LOXL3: variants seen among roughly 807,000 people sequenced by gnomAD.
LOXL3 encodes the protein lysyl oxidase homolog 3.
LOXL3 carries 60 observed loss-of-function variants against 91.8 expected under a neutral mutation model. The ratio of observed to expected loss-of-function variants is 0.65; its 90% CI spans 0.53 to 0.81. The LOEUF (loss-of-function observed/expected upper bound fraction) is 0.81, where lower values mean the gene tolerates loss of function less well. LOXL3 is among the 30% of genes least tolerant of loss of function. The pLI, the probability that LOXL3 is intolerant of heterozygous loss-of-function variation, is 0.00. For synonymous variants in LOXL3, 355 were observed against 387.6 expected (o/e 0.92, Z 0.99); for missense variants, 874 against 1,000.4 (o/e 0.87, Z 1.70).
intron 4 of LOXL3, among the ~76,000 whole-genome samples, chr2:74,548,104 T>C (rs1676717228): frequency 6.6e-6 from 1 of 152,234 alleles, no homozygotes; most frequent in South Asian, 2.1e-4. Flanking sequence ...AGTTAGACTT[T>C]GGTTTTAAAC....
At chr2:74,537,747 G>A (rs75702811) in intron 4 of LOXL3, among the ~76,000 whole-genome samples, 6,077 of 152,276 alleles carry the variant, frequency 0.04, 323 homozygotes, top group African/African-American at 0.12. Flanking sequence ...TAGATGCTAA[G>A]GCTTGGAAAT....
chr2:74,541,081 C>T (rs991608500), intron 4 of LOXL3, among the ~76,000 whole-genome samples: 1 of 152,218 alleles, frequency 6.6e-6, no homozygotes, highest in Non-Finnish European at 1.5e-5. Flanking sequence ...GATTCAACCT[C>T]CATCTGTACT....
At position 74,536,468 on chromosome 2, in the gene LOXL3, G is replaced by C. The variant is rs753208381; in HGVS notation, c.916C>G (p.Arg306Gly). ...QQQSKPQGEA[R>G]VRLKGGAHPG... ...TGGGCGCCGCCCTTTAGACGGACAC[G>C]GGCCTATAGAAGAGAGAAGTGCCCA... is the stretch of plus-strand genomic sequence containing the variant. The change falls in exon 6 of 14, where the codon CGT becomes GGT. Residue 306 changes from arginine to glycine, a missense_variant. Physicochemically the swap from Arg to Gly is moderately radical, Grantham distance 125 (BLOSUM62 -2). Transcript: ENST00000264094. The surrounding 1 kb of genome is among the most constrained non-coding windows in gnomAD (Gnocchi z 4.5). 1.2e-6 allele frequency: 2 copies of C among 1,612,284 alleles called. No individual in the cohort carries two copies. Among genetic ancestry groups the C allele is most frequent in the Non-Finnish European group, 1.7e-6 (2 of 1,179,396 alleles).
Position 74,549,276 on chromosome 2 carries a change from C to A in LOXL3, c.692+93G>T. 3.7e-6 allele frequency: 5 copies of A among 1,369,342 alleles called. No individual in the cohort carries two copies. Among genetic ancestry groups the A allele is most frequent in the South Asian group, 3.2e-5 (2 of 61,834 alleles). The allele number at this position is 1,369,342 out of a possible 1,614,324, so 84.8% of individuals were successfully genotyped here. ...GCGCGTCCCGACCCCCGGGTCCTCCCGTGCCCCGGACCTGCTCAGATGTCT... is the reference window on the plus strand; with the variant it reads ...GCGCGTCCCGACCCCCGGGTCCTCCAGTGCCCCGGACCTGCTCAGATGTCT... On this transcript the variant is annotated intron_variant, in intron 4 of 13. Transcript: ENST00000264094. The surrounding 1 kb of genome is among the most constrained non-coding windows in gnomAD (Gnocchi z 5.3).
At position 74,533,298 on chromosome 2, in the gene LOXL3, TAAAG is replaced by T; in HGVS notation, c.*304_*307del. 1 of 530,886 alleles carries T rather than the reference TAAAG, an allele frequency of 1.9e-6. No individual in the cohort carries two copies. The highest frequency in any genetic ancestry group is 2.3e-5 in the South Asian group (1 of 44,424). The allele number at this position is 530,886 out of a possible 1,614,324, so 32.9% of individuals were successfully genotyped here. A position where few individuals can be genotyped will look rare whatever the true frequency, so the allele number is the denominator to read the frequency against. On this transcript the variant is annotated 3_prime_UTR_variant, in exon 14 of 14. Transcript: ENST00000264094. ...GGAGCTGACCATCCTGACCTCCTAT[TAAAG>T]AAAATGAGCTGCTGCCATCTTTTGT...
chr2:74,552,319 C>T lies in LOXL3; in HGVS notation c.313+3G>A, dbSNP rs769428869. 17 of 1,594,400 alleles carry T rather than the reference C, an allele frequency of 1.1e-5. No individual in the cohort carries two copies. In the South Asian group the frequency reaches 1.2e-4, roughly 11 times the overall value. ...TCTAGGATATGCCTGGATCATTGCT[C>T]ACCTGTTCCAGGGCCATATTTGGCA... is the stretch of plus-strand genomic sequence containing the variant. On this transcript the variant is annotated splice_donor_region_variant and intron_variant, in intron 2 of 13. Coordinates refer to ENST00000264094, the MANE Select transcript of LOXL3 (RefSeq NM_032603.5).
intron 13 of LOXL3, 27 bp from the exon 14 acceptor site, chr2:74,533,706 G>A: frequency 6.2e-7 from 1 of 1,609,372 alleles, no homozygotes; most frequent in South Asian, 1.1e-5. Flanking sequence ...CAATTTGGGA[G>A]GCGCCCTGCA....
chr2:74,541,486 G>C (rs1165245651), intron 4 of LOXL3, among the ~76,000 whole-genome samples: 1 of 152,196 alleles, frequency 6.6e-6, no homozygotes, highest in African/African-American at 2.4e-5. Context: ...GGACATTCCT[G>C]GCAAAGAATA....
chr2:74,547,934 C>T (rs994068703), intron 4 of LOXL3, among the ~76,000 whole-genome samples: 1 of 152,150 alleles, frequency 6.6e-6, no homozygotes, highest in Admixed American at 6.5e-5. Context: ...AACAGAATCT[C>T]CCATGATTTC....
chr2:74,534,415 C>T lies in LOXL3; in HGVS notation c.1840G>A (p.Asp614Asn), dbSNP rs758256615. Residue 614 changes from aspartate to asparagine, a missense_variant, in exon 11 of 14, where the codon GAC (aspartate) becomes AAC (asparagine). By Grantham distance (23) the Asp-to-Asn change is conservative. Coordinates refer to ENST00000264094, the MANE Select transcript of LOXL3 (RefSeq NM_032603.5). Reference protein sequence around the residue: ...HECHGHYHSMDIFTHYDILTP... With the variant: ...HECHGHYHSMNIFTHYDILTP... ...AGGATATCATAGTGAGTGAAGATGTCCATGCTGTGGTAATGCCTGTGGGGA... is the reference window on the plus strand; with the variant it reads ...AGGATATCATAGTGAGTGAAGATGTTCATGCTGTGGTAATGCCTGTGGGGA... 6.2e-7 allele frequency: 1 copy of T among 1,614,164 alleles called. No homozygotes were observed. The highest frequency in any genetic ancestry group is 2.2e-5 in the East Asian group (1 of 44,884).
At chr2:74,542,276 T>TA (rs1676367444) in intron 4 of LOXL3, among the ~76,000 whole-genome samples, 2 of 152,060 alleles carry the variant, frequency 1.3e-5, no homozygotes, top group South Asian at 4.1e-4. Flanking sequence ...CTGGTCAACA[T>TA]AGAGAGACCC....
In LOXL3 at chr2:74,534,074, A is replaced by G. The variant is rs746488976; in HGVS notation, c.2076+26T>C. The G allele has an allele frequency of 9.9e-6, 16 of 1,613,238 alleles. No homozygotes were observed. The Admixed American group carries it at 1.7e-4, about 17-fold the overall frequency. On this transcript the variant is annotated intron_variant, in intron 12 of 13. Transcript: ENST00000264094. Reference sequence around the variant, plus strand: ...TCTTTAACGCTCCCCCCACTCACCCATCTGGAAGCCCCAGACTCCAGGTAC... The same window carrying G: ...TCTTTAACGCTCCCCCCACTCACCCGTCTGGAAGCCCCAGACTCCAGGTAC...
At position 74,532,371 on chromosome 2, in the gene LOXL3, C is replaced by T. The variant is rs192583771; in HGVS notation, c.*1235G>A. On this transcript the variant is annotated 3_prime_UTR_variant, in exon 14 of 14. Coordinates refer to ENST00000264094, the MANE Select transcript of LOXL3 (RefSeq NM_032603.5). The stretch of plus-strand genomic sequence containing the variant: ...TCCCCTTAAAGCTTCTCTTAGTATT[C>T]TAGAATGACATTAGTGCTATTGATT... 50 of 529,622 alleles carry T rather than the reference C, an allele frequency of 9.4e-5. No individual in the cohort carries two copies. The Admixed American group carries it at 1.4e-3, about 15-fold the overall frequency. 32.8% of individuals were successfully genotyped at this position (529,622 alleles called of 1,614,324 possible).
chr2:74,534,538 A>G lies in LOXL3; in HGVS notation c.1816T>C (p.Cys606Arg). 6.2e-7 allele frequency: 1 copy of G among 1,613,864 alleles called. No homozygotes were observed. The highest frequency in any genetic ancestry group is 8.5e-7 in the Non-Finnish European group (1 of 1,179,932). The change falls in exon 10 of 14, where the codon TGC becomes CGC. Residue 606 changes from cysteine (C) to arginine (R), a missense_variant. Physicochemically the swap from Cys to Arg is radical, Grantham distance 180. Coordinates refer to ENST00000264094, the MANE Select transcript of LOXL3 (RefSeq NM_032603.5). The part of the protein sequence containing the change: ...AGRHSWVWHE[C>R]HGHYHSMDIF... Reference sequence around the variant, plus strand: ...GACTCCCTACCCTCTCACCCATGGCACTCGTGCCACACCCAGGAGTGGCGC... The same window carrying G: ...GACTCCCTACCCTCTCACCCATGGCGCTCGTGCCACACCCAGGAGTGGCGC...
intron 13 of LOXL3, 65 bp from the exon 14 acceptor site, chr2:74,533,744 G>C: frequency 6.6e-7 from 1 of 1,519,928 alleles, no homozygotes; most frequent in Non-Finnish European, 9.1e-7. Context: ...ATGCACTGTG[G>C]AGAAGGGTGG....
chr2:74,549,450 C>T lies in LOXL3; in HGVS notation c.611G>A (p.Gly204Asp). 1 of 1,613,340 alleles carries T rather than the reference C, an allele frequency of 6.2e-7. No individual in the cohort carries two copies. Among genetic ancestry groups the T allele is most frequent in the Middle Eastern group, 1.6e-4 (1 of 6,062 alleles). ...CACGTGGCTGTTGTGGGCGCTCCAG[C>T]CTTTGTCGCACACTTGCGACCAGCC... Reference protein sequence around the residue: ...PDGWSQVCDKGWSAHNSHVVC... With the variant: ...PDGWSQVCDKDWSAHNSHVVC... Residue 204 changes from glycine (G) to aspartate (D), a missense_variant, in exon 4 of 14, where the codon GGC (glycine) becomes GAC (aspartate). Physicochemically the swap from Gly to Asp is moderately conservative, Grantham distance 94. Transcript: ENST00000264094. The surrounding 1 kb of genome is among the most constrained non-coding windows in gnomAD (Gnocchi z 5.3).
chr2:74,548,824 G>T (rs1676777354), intron 4 of LOXL3, among the ~76,000 whole-genome samples: 1 of 151,916 alleles, frequency 6.6e-6, no homozygotes, highest in Non-Finnish European at 1.5e-5. Flanking sequence ...GGACTTCCAG[G>T]AGCCCCGAGG....
rs1675695944 is a variant in LOXL3 at position 74,532,650 on chromosome 2, A to G, written c.*956T>C. ...TGCTGAACTACAGCTTCGAGAACCA[A>G]GCTTTCCCGATGTTCAGCATGGTGT... On this transcript the variant is annotated 3_prime_UTR_variant, in exon 14 of 14. Coordinates refer to ENST00000264094, the MANE Select transcript of LOXL3 (RefSeq NM_032603.5). 1 of 1,613,584 alleles carries G rather than the reference A, an allele frequency of 6.2e-7. No homozygotes were observed. The highest frequency in any genetic ancestry group is 1.3e-5 in the African/African-American group (1 of 74,896).
Position 74,549,577 on chromosome 2 carries a change from G to A in LOXL3, c.484C>T (p.His162Tyr). The change falls in exon 4 of 14, where the codon CAT becomes TAT. Residue 162 changes from histidine (H) to tyrosine (Y), a missense_variant. Coordinates refer to ENST00000264094, the MANE Select transcript of LOXL3 (RefSeq NM_032603.5). This position sits in a 1 kb window ranked among gnomAD's most constrained non-coding sequence, Gnocchi z 5.3. ...FSDSNVIEVE[H>Y]HLQVEEVRIR... ...CGCACCTCCTCCACTTGCAGGTGAT[G>A]CTCTACCTGGGGGCGGGGCCACAAG... The A allele has an allele frequency of 6.2e-7, 1 of 1,607,328 alleles. No individual in the cohort carries two copies. The highest frequency in any genetic ancestry group is 8.5e-7 in the Non-Finnish European group (1 of 1,175,382).
Sources: allele counts gnomAD v4.1 joint callset (sites outside exome capture counted in the v4.1 genomes callset), GRCh38; gene constraint gnomAD v4.1.1; non-coding constraint Gnocchi (gnomAD v3.1); transcripts MANE v1.5; gene names NCBI Gene and HGNC (gene_info 2026-07-23, HGNC 2026-07-21).